SNX30: variants seen among roughly 807,000 people sequenced by gnomAD.
SNX30 encodes sorting nexin-30.
SNX30 carries 24 observed loss-of-function variants against 46.4 expected under a neutral mutation model. The ratio of observed to expected loss-of-function variants is 0.52; its 90% confidence interval spans 0.37 to 0.73. The LOEUF is 0.73. SNX30 is among the 30% of genes least tolerant of loss of function. The pLI is 0.00. For synonymous variants in SNX30, 189 were observed against 211.5 expected (o/e 0.89, Z 0.92); for missense variants, 533 against 555.7 (o/e 0.96, Z 0.41).
At chr9:112,818,255 G>A (rs1156650687) in intron 3 of SNX30, among the ~76,000 whole-genome samples, 1 of 143,078 alleles carries the variant, frequency 7.0e-6, no homozygotes, top group South Asian at 2.1e-4. Context: ...AGGCAGGTGC[G>A]CAATGGCATG....
Position 112,838,568 on chromosome 9 carries a change from T to C in SNX30, c.885T>C (p.Ala295=), listed in dbSNP as rs7023478. ...STWSALEGEL[A]EPLEGVSACI... is the part of the protein sequence containing the mutation. ...GGAGCGCCTTGGAGGGTGAGCTGGC[T>C]GAACCCCTGGAGGGTGTGTCAGCTT... Residue 295 remains alanine (A), a synonymous_variant, in exon 6 of 9, where the codon GCT becomes GCC. Transcript: ENST00000374232. The C allele has an allele frequency of 0.98, 1,574,924 of 1,614,174 alleles. 768,448 individuals carry two copies. The highest frequency in any genetic ancestry group is 1 in the East Asian group (44,877 of 44,880).
rs1841255558 is a variant in SNX30 at position 112,862,581 on chromosome 9, AG to A, written c.1102-1665del. 2.0e-5 allele frequency among the ~76,000 whole-genome samples: 3 copies of A among 152,214 alleles called. No homozygotes were observed. In the South Asian group the frequency reaches 6.2e-4, roughly 32 times the overall value. ...GGGTGGTCTTGGGAGGAGGCAAAAG[AG>A]ACTTAAATCATGGCATCAGAAGAAA... On this transcript the variant is annotated intron_variant, in intron 7 of 8. Coordinates refer to ENST00000374232, the MANE Select transcript of SNX30 (RefSeq NM_001012994.2).
chr9:112,831,060 C>G (rs769631398), intron 4 of SNX30, among the ~76,000 whole-genome samples, 177 bp downstream of exon 4: 1 of 151,640 alleles, frequency 6.6e-6, no homozygotes, highest in Non-Finnish European at 1.5e-5. Flanking sequence ...TAGCTTGAGC[C>G]CAGGAGTTTG....
At chr9:112,787,183 C>T (rs787271) in intron 1 of SNX30, among the ~76,000 whole-genome samples, 127,952 of 152,142 alleles carry the variant, frequency 0.84, 54,543 homozygotes, top group South Asian at 0.91. Flanking sequence ...AAAAGTTCCA[C>T]GGAAAAACAT....
At chr9:112,790,500 C>A (rs1840002629) in intron 1 of SNX30, among the ~76,000 whole-genome samples, 1 of 152,264 alleles carries the variant, frequency 6.6e-6, no homozygotes, top group South Asian at 2.1e-4. Flanking sequence ...AGCAAGGGAG[C>A]TGGTGGAAGC....
downstream of SNX30, chr9:112,879,427 C>T (rs78210382): frequency 7.9e-3 from 1,960 of 246,788 alleles, 35 homozygotes; most frequent in African/African-American, 0.038. Context: ...GGGGCAGGCT[C>T]GCTGTAGCTG....
chr9:112,779,952 C>T (rs1456229539), intron 1 of SNX30, among the ~76,000 whole-genome samples: 2 of 152,176 alleles, frequency 1.3e-5, no homozygotes, highest in African/African-American at 2.4e-5. Flanking sequence ...CCCACCAATG[C>T]TTTTGACATG....
intron 1 of SNX30, among the ~76,000 whole-genome samples, chr9:112,789,215 A>C (rs1266207017): frequency 6.6e-6 from 1 of 152,202 alleles, no homozygotes. Context: ...TGGCATGCAC[A>C]TCCTTGACCA....
intron 1 of SNX30, among the ~76,000 whole-genome samples, chr9:112,782,262 C>G (rs11790095): frequency 6.6e-6 from 1 of 150,840 alleles, no homozygotes; most frequent in South Asian, 2.1e-4. Flanking sequence ...GATGGGGTTT[C>G]ACCATGTTGG....
At chr9:112,856,694 GA>G (rs1170100073) in intron 7 of SNX30, 5 of 152,202 alleles carry the variant, frequency 3.3e-5, no homozygotes, top group Non-Finnish European at 7.3e-5. Flanking sequence ...GGTGGGTAGT[GA>G]AGTGAGAATC....
At chr9:112,796,076 C>T (rs1292440161) in intron 1 of SNX30, among the ~76,000 whole-genome samples, 1 of 152,112 alleles carries the variant, frequency 6.6e-6, no homozygotes, top group African/African-American at 2.4e-5. Context: ...CTGGGTGGTT[C>T]CTGAGAACTG....
At chr9:112,852,949 C>T (rs1038473547) in intron 7 of SNX30, among the ~76,000 whole-genome samples, 2 of 152,164 alleles carry the variant, frequency 1.3e-5, no homozygotes, top group African/African-American at 4.8e-5. Context: ...AGAAATGACA[C>T]ACCTTGGCTT....
At chr9:112,857,108 G>A (rs751022693) in intron 7 of SNX30, among the ~76,000 whole-genome samples, 20 of 152,192 alleles carry the variant, frequency 1.3e-4, no homozygotes, top group Non-Finnish European at 2.1e-4. Context: ...AGGCAGGCAC[G>A]GAGAGTGCGT....
chr9:112,832,483 T>TGA (rs1840678475), intron 4 of SNX30, among the ~76,000 whole-genome samples: 3 of 81,826 alleles, frequency 3.7e-5, no homozygotes, highest in African/African-American at 4.3e-5. Context: ...TGTGTGTGTG[T>TGA]GTGTGTGTGT....
At chr9:112,760,727 G>C (rs1341613580) in intron 1 of SNX30, among the ~76,000 whole-genome samples, 1 of 152,212 alleles carries the variant, frequency 6.6e-6, no homozygotes, top group Non-Finnish European at 1.5e-5. Flanking sequence ...AATTTGGTTT[G>C]CCACTTGAAA....
rs758266967 is a variant in SNX30 at position 112,864,227 on chromosome 9, T to C, written c.1102-20T>C. 5 of 1,612,948 alleles carry C rather than the reference T, an allele frequency of 3.1e-6. No homozygotes were observed. The South Asian group carries it at 4.4e-5, about 14-fold the overall frequency. Reference sequence around the variant, plus strand: ...GCCAGTTTTGTGTGCAGGGCACCCATGTGTGCCTCCCTTTTCCAGGTACCG... The same window carrying C: ...GCCAGTTTTGTGTGCAGGGCACCCACGTGTGCCTCCCTTTTCCAGGTACCG... On this transcript the variant is annotated intron_variant, in intron 7 of 8. Coordinates refer to ENST00000374232, the MANE Select transcript of SNX30 (RefSeq NM_001012994.2).
rs114830090 is a variant in SNX30, at chr9:112,786,151, C to T, written c.157-18625C>T. On this transcript the variant is annotated intron_variant, in intron 1 of 8. Transcript: ENST00000374232. ...TTTTTTTTTGGAGACAAGATCTCAC[C>T]CTGTCACCCAGGCTGGAATGCAGTG... Among the ~76,000 whole-genome samples, 910 of 147,384 alleles carry T rather than the reference C, an allele frequency of 6.2e-3. 12 individuals carry two copies. Among genetic ancestry groups the T allele is most frequent in the African/African-American group, 0.022 (860 of 39,826 alleles).
intron 1 of SNX30, among the ~76,000 whole-genome samples, chr9:112,766,427 A>G (rs1415907370): frequency 6.6e-6 from 1 of 152,176 alleles, no homozygotes; most frequent in Non-Finnish European, 1.5e-5. Flanking sequence ...ATTTGAGGTT[A>G]ATGGTAATTT....
intron 1 of SNX30, among the ~76,000 whole-genome samples, chr9:112,798,121 C>CTTTTTTTTTTTTTTTTTTTT (rs57300324): frequency 3.9e-5 from 3 of 77,884 alleles, no homozygotes; most frequent in African/African-American, 5.1e-5. Context: ...TTTTTTTTTT[C>CTTTTTTTTTTTTTTTTTTTT]TTTTTTTTTT....
Sources: gnomAD v4.1 joint callset for allele counts (sites outside exome capture counted in the v4.1 genomes callset) on GRCh38, gnomAD v4.1.1 for gene constraint, MANE v1.5 for transcripts, NCBI Gene and HGNC (gene_info 2026-07-23, HGNC 2026-07-21) for gene names.